Variants in PTPRN2 observed in about 807,000 individuals in gnomAD.
PTPRN2 encodes protein tyrosine phosphatase receptor type N2.
Under a neutral mutation model 118.8 loss-of-function variants are expected in PTPRN2, and 74 were observed. The ratio of observed to expected loss-of-function variants is 0.62; its 90% confidence interval spans 0.52 to 0.76. The LOEUF is 0.76. Among genes scored for constraint, PTPRN2 ranks in the 30% least tolerant of loss-of-function variants. PTPRN2 has a pLI of 0.00. For synonymous variants in PTPRN2, 641 were observed against 608.0 expected (o/e 1.05, Z -0.80); for missense variants, 1,481 against 1,394.4 (o/e 1.06, Z -0.99).
chr7:158,248,617 C>T (rs1007560576), intron 3 of PTPRN2, among the ~76,000 whole-genome samples: 3 of 151,844 alleles, frequency 2.0e-5, no homozygotes, highest in Admixed American at 6.6e-5. Context: ...CATACATGCA[C>T]ATACACACGC....
intron 1 of PTPRN2, among the ~76,000 whole-genome samples, chr7:158,502,450 C>T (rs1179668111): frequency 6.6e-6 from 1 of 152,236 alleles, no homozygotes; most frequent in Non-Finnish European, 1.5e-5. Flanking sequence ...AGAACACTGT[C>T]ACAACCACAC....
chr7:157,964,896 C>T lies in PTPRN2; in HGVS notation c.1724-66159G>A, dbSNP rs1162166399. Among the ~76,000 whole-genome samples the T allele has an allele frequency of 6.6e-6, 1 of 152,236 alleles. No homozygotes were observed. The highest frequency in any genetic ancestry group is 1.5e-5 in the Non-Finnish European group (1 of 68,042). Reference sequence around the variant, plus strand: ...AGGGCTTTGGTTTGTGAGTGCCCTGCACTCTGTCAGTTGGGCCATGGTATA... The same window carrying T: ...AGGGCTTTGGTTTGTGAGTGCCCTGTACTCTGTCAGTTGGGCCATGGTATA... On this transcript the variant is annotated intron_variant, in intron 11 of 22. Transcript: ENST00000389418. The surrounding 1 kb of genome is among the most constrained non-coding windows in gnomAD (Gnocchi z 9.0).
At chr7:158,017,318 C>T (rs1383789141) in intron 11 of PTPRN2, among the ~76,000 whole-genome samples, 1 of 152,062 alleles carries the variant, frequency 6.6e-6, no homozygotes, top group East Asian at 1.9e-4. Context: ...GAGAGGCTTC[C>T]CAGGGAGTCC....
chr7:157,750,321 T>A (rs573559567), intron 12 of PTPRN2, among the ~76,000 whole-genome samples: 1 of 152,202 alleles, frequency 6.6e-6, no homozygotes, highest in South Asian at 2.1e-4. Context: ...AACAATCAAA[T>A]CTCTGGGTCT....
chr7:157,894,914 TCGG>T (rs1797014034), intron 12 of PTPRN2, among the ~76,000 whole-genome samples: 1 of 152,180 alleles, frequency 6.6e-6, no homozygotes, highest in African/African-American at 2.4e-5. Context: ...GGAAAGTGGA[TCGG>T]CTGGGACACT....
chr7:158,368,983 C>T (rs527435745), intron 2 of PTPRN2, among the ~76,000 whole-genome samples: 1 of 152,158 alleles, frequency 6.6e-6, no homozygotes, highest in African/African-American at 2.4e-5. Context: ...GGTCAGTGGA[C>T]TGGGAGGGGC....
At chr7:158,241,309 G>A (rs1460850686) in intron 3 of PTPRN2, among the ~76,000 whole-genome samples, 1 of 152,182 alleles carries the variant, frequency 6.6e-6, no homozygotes, top group Non-Finnish European at 1.5e-5. Context: ...GAGGTTAGGA[G>A]TTCAAGACCA....
chr7:158,503,069 T>C (rs919288959), intron 1 of PTPRN2, among the ~76,000 whole-genome samples: 3 of 147,234 alleles, frequency 2.0e-5, no homozygotes, highest in Non-Finnish European at 3.0e-5. Context: ...GTCCATCAAC[T>C]ACTGTGTCCA....
chr7:158,571,875 C>T (rs765650555), intron 1 of PTPRN2, among the ~76,000 whole-genome samples: 3 of 152,116 alleles, frequency 2.0e-5, no homozygotes, highest in Non-Finnish European at 4.4e-5. Context: ...TCTTATCACA[C>T]GTGGAGATGA....
intron 11 of PTPRN2, among the ~76,000 whole-genome samples, chr7:157,963,371 C>T (rs1056328920): frequency 9.9e-5 from 15 of 152,240 alleles, no homozygotes; most frequent in African/African-American, 3.6e-4. Context: ...TTGGAGCAAT[C>T]TACAATTTAT....
chr7:158,153,573 C>T (rs1433693614), intron 6 of PTPRN2, among the ~76,000 whole-genome samples: 3 of 152,170 alleles, frequency 2.0e-5, no homozygotes, highest in African/African-American at 4.8e-5. Flanking sequence ...ACTCCCCCAT[C>T]GCACGCCCTG....
intron 2 of PTPRN2, among the ~76,000 whole-genome samples, chr7:158,380,158 C>T (rs991933550): frequency 1.3e-5 from 2 of 152,136 alleles, no homozygotes; most frequent in African/African-American, 4.8e-5. Context: ...CCAAATCTCA[C>T]GTCCTCACAT....
At chr7:158,239,162 G>A (rs920956398) in intron 3 of PTPRN2, among the ~76,000 whole-genome samples, 7 of 152,198 alleles carry the variant, frequency 4.6e-5, no homozygotes, top group Non-Finnish European at 8.8e-5. Context: ...CCAGCCAGAG[G>A]GTCGATGTTC....
chr7:158,061,489 C>T (rs893311403), intron 11 of PTPRN2, among the ~76,000 whole-genome samples: 4 of 151,808 alleles, frequency 2.6e-5, no homozygotes, highest in South Asian at 2.1e-4. Flanking sequence ...CCAATGCACT[C>T]GGCGCTGAAC....
At chr7:158,515,655 C>CA (rs1239230534) in intron 1 of PTPRN2, among the ~76,000 whole-genome samples, 2 of 152,194 alleles carry the variant, frequency 1.3e-5, no homozygotes, top group Non-Finnish European at 2.9e-5. Context: ...TCATCTGTTA[C>CA]ATGCTCAAGG....
chr7:158,319,492 A>ACACACACG (rs1563131485), intron 2 of PTPRN2, among the ~76,000 whole-genome samples: 5 of 30,362 alleles, frequency 1.6e-4, no homozygotes, highest in Admixed American at 2.9e-4. Flanking sequence ...CCTCCCTCAC[A>ACACACACG]CTCACACAGC....
chr7:158,490,362 C>A (rs1041458134), intron 1 of PTPRN2, among the ~76,000 whole-genome samples: 1 of 152,200 alleles, frequency 6.6e-6, no homozygotes, highest in Non-Finnish European at 1.5e-5. Flanking sequence ...AAGGCCAGCG[C>A]GGCTGGGCCA....
At chr7:157,822,530 T>G (rs1307884609) in intron 12 of PTPRN2, among the ~76,000 whole-genome samples, 1 of 151,894 alleles carries the variant, frequency 6.6e-6, no homozygotes, top group Non-Finnish European at 1.5e-5. Context: ...CTATCCATAA[T>G]ACACTTATCC....
chr7:158,276,617 T>C, intron 3 of PTPRN2, among the ~76,000 whole-genome samples: 1 of 140,246 alleles, frequency 7.1e-6, no homozygotes, highest in South Asian at 2.2e-4. Flanking sequence ...CTTTATTAAC[T>C]TGGCCCCATT....
Sources: gnomAD v4.1 joint callset for allele counts (sites outside exome capture counted in the v4.1 genomes callset) on GRCh38, gnomAD v4.1.1 for gene constraint, Gnocchi (gnomAD v3.1) non-coding constraint, MANE v1.5 for transcripts, NCBI Gene and HGNC (gene_info 2026-07-23, HGNC 2026-07-21) for gene names.